CFAP46: variants seen among roughly 807,000 people sequenced by gnomAD.
The protein encoded by CFAP46 is cilia and flagella associated protein 46, also known as cilia- and flagella-associated protein 46.
A neutral mutation model predicts 325.7 loss-of-function variants in CFAP46; 245 were observed. The observed-to-expected ratio is 0.75, with a 90% CI of 0.68 to 0.84. The LOEUF is 0.84. Among genes scored for constraint, CFAP46 ranks in the 40% least tolerant of loss-of-function variants. The pLI is 0.00. For synonymous variants in CFAP46, 1,523 were observed against 1,495.9 expected (o/e 1.02, Z -0.42); for missense variants, 3,346 against 3,543.0 (o/e 0.94, Z 1.41).
chr10:132,818,153 G>T (rs1847729510), intron 50 of CFAP46, among the ~76,000 whole-genome samples: 1 of 152,168 alleles, frequency 6.6e-6, no homozygotes, highest in Non-Finnish European at 1.5e-5. Flanking sequence ...CGTCTAGTTG[G>T]GCTGCTGCTT....
chr10:132,926,236 G>A (rs111838774), intron 10 of CFAP46, among the ~76,000 whole-genome samples: 162 of 152,256 alleles, frequency 1.1e-3, no homozygotes, highest in African/African-American at 3.7e-3. Context: ...ACGCGTGGCC[G>A]TCCCCCGTCC....
At chr10:132,882,433 GT>G (rs2135379858) in intron 27 of CFAP46, among the ~76,000 whole-genome samples, 1 of 152,012 alleles carries the variant, frequency 6.6e-6, no homozygotes, top group South Asian at 2.1e-4. Context: ...CAAGGTGTGG[GT>G]TTGTTGTGGA....
At chr10:132,878,605 C>A (rs575712139) in intron 29 of CFAP46, among the ~76,000 whole-genome samples, 105 of 152,316 alleles carry the variant, frequency 6.9e-4, no homozygotes, top group African/African-American at 2.5e-3. Context: ...ATGAGAATAA[C>A]ATTGAGCAAT....
chr10:132,854,323 G>GTGTTTTGTTTTGTTTTGTTT (rs59344968), intron 39 of CFAP46, among the ~76,000 whole-genome samples: 205 of 151,186 alleles, frequency 1.4e-3, no homozygotes, highest in Non-Finnish European at 1.6e-3. Flanking sequence ...ATAGCTTTCT[G>GTGTTTTGTTTTGTTTTGTTT]TGTTTTGTTT....
intron 55 of CFAP46, among the ~76,000 whole-genome samples, chr10:132,811,338 C>G (rs1261426771): frequency 6.6e-6 from 1 of 152,210 alleles, no homozygotes; most frequent in Non-Finnish European, 1.5e-5. Flanking sequence ...GGCATCTCGG[C>G]ACCCCCACCA....
chr10:132,853,858 T>C (rs1402430820), intron 39 of CFAP46, among the ~76,000 whole-genome samples: 1 of 152,202 alleles, frequency 6.6e-6, no homozygotes, highest in Non-Finnish European at 1.5e-5. Flanking sequence ...CATGGAGAAA[T>C]TGTGTCTCTC....
At position 132,911,482 on chromosome 10, in the gene CFAP46, T is replaced by C; in HGVS notation, c.2499+1173A>G. On this transcript the variant is annotated intron_variant, in intron 19 of 57. Coordinates refer to ENST00000368586, the MANE Select transcript of CFAP46 (RefSeq NM_001200049.3). Reference sequence around the variant, plus strand: ...CCGCCCCGTGCCCCTGCGGAGACACTCAAGGCCTCCCTGCCCCCGCCCCAC... The same window carrying C: ...CCGCCCCGTGCCCCTGCGGAGACACCCAAGGCCTCCCTGCCCCCGCCCCAC... Among the ~76,000 whole-genome samples, 2 of 152,102 alleles carry C rather than the reference T, an allele frequency of 1.3e-5. 1 individual carries two copies. Among genetic ancestry groups the C allele is most frequent in the Non-Finnish European group, 2.9e-5 (2 of 68,008 alleles).
Position 132,886,069 on chromosome 10 carries a change from C to T in CFAP46, c.3305-110G>A, listed in dbSNP as rs113625556. On this transcript the variant is annotated intron_variant, in intron 25 of 57. Coordinates refer to ENST00000368586, the MANE Select transcript of CFAP46 (RefSeq NM_001200049.3). The surrounding 1 kb of genome is among the most constrained non-coding windows in gnomAD (Gnocchi z 5.8). ...TCACAGTGCCCCTGAGGTGGAACCG[C>T]GGCTACAGAGGTGCCCAGGCCAGCG... 5,709 of 1,404,038 alleles carry T rather than the reference C, an allele frequency of 4.1e-3. 139 individuals carry two copies. The African/African-American group carries it at 0.061, about 15-fold the overall frequency. The allele number at this position is 1,404,038 out of a possible 1,614,324, so 87.0% of individuals were successfully genotyped here.
intron 22 of CFAP46, among the ~76,000 whole-genome samples, chr10:132,905,055 C>T (rs374748537): frequency 6.6e-6 from 1 of 152,242 alleles, no homozygotes; most frequent in Admixed American, 6.5e-5. Flanking sequence ...ACAACACCCA[C>T]GCTTCCCTTA....
chr10:132,918,458 G>A lies in CFAP46; in HGVS notation c.1921C>T (p.Leu641=). Residue 641 remains leucine, a synonymous_variant, in exon 16 of 58, where the codon CTG becomes TTG. Transcript: ENST00000368586. ...AGGTCGGGGCACACCTGCCTCTGCA[G>A]GACGACCTCAGGCTGGCTCCAGGTG... ...QDTWSQPEVV[L]QRQVCPDLLR... 2.6e-6 allele frequency: 4 copies of A among 1,549,000 alleles called. No homozygotes were observed. Among genetic ancestry groups the A allele is most frequent in the Non-Finnish European group, 3.5e-6 (4 of 1,145,766 alleles).
chr10:132,859,188 C>T lies in CFAP46; in HGVS notation c.5258G>A (p.Cys1753Tyr). 1 of 1,550,552 alleles carries T rather than the reference C, an allele frequency of 6.4e-7. No homozygotes were observed. The highest frequency in any genetic ancestry group is 8.7e-7 in the Non-Finnish European group (1 of 1,147,024). ...ATCCATCTCTTTCAGTAGCAACGAG[C>T]ACTCTGTGGGTTCAGTGACCGCTGA... ...QHSAVTEPTE[C>Y]SLLLKEMDDG... The change falls in exon 38 of 58, where the codon TGC becomes TAC. Residue 1753 changes from cysteine (C) to tyrosine (Y), a missense_variant. Coordinates refer to ENST00000368586, the MANE Select transcript of CFAP46 (RefSeq NM_001200049.3).
chr10:132,840,263 C>T (rs1848328091), intron 44 of CFAP46, among the ~76,000 whole-genome samples: 1 of 152,198 alleles, frequency 6.6e-6, no homozygotes, highest in South Asian at 2.1e-4. Flanking sequence ...CTGTCAAGAA[C>T]ATTCTGTGTG....
intron 17 of CFAP46, among the ~76,000 whole-genome samples, chr10:132,915,041 G>A (rs974201900): frequency 5.9e-5 from 9 of 152,384 alleles, no homozygotes; most frequent in African/African-American, 1.7e-4. Flanking sequence ...TGTCCGTCCC[G>A]CTAGACCAGG....
In CFAP46 at chr10:132,814,178, T is replaced by C; in HGVS notation, c.7362A>G (p.Gly2454=). 1 of 1,613,866 alleles carries C rather than the reference T, an allele frequency of 6.2e-7. No homozygotes were observed. The highest frequency in any genetic ancestry group is 8.5e-7 in the Non-Finnish European group (1 of 1,179,966). ...FQDTFTSRWA[G]HLGSKHFPSQ... is the part of the protein sequence containing the mutation. Reference sequence around the variant, plus strand: ...TGGGAAAGTGCTTGCTTCCCAGATGTCCCGCCCATCGCGACGTGAATGTGT... The same window carrying C: ...TGGGAAAGTGCTTGCTTCCCAGATGCCCCGCCCATCGCGACGTGAATGTGT... Residue 2454 remains glycine, a synonymous_variant, in exon 54 of 58, where the codon GGA becomes GGG. Transcript: ENST00000368586.
rs776583810 is a variant in CFAP46, at chr10:132,814,141, C to T, written c.7388+11G>A. On this transcript the variant is annotated intron_variant, in intron 54 of 57. Transcript: ENST00000368586. ...ACACTGCAAACGGCTCCTGGGAGCC[C>T]AGATCCGAACCTGGGAAAGTGCTTG... The T allele has an allele frequency of 6.8e-6, 11 of 1,611,878 alleles. No homozygotes were observed. Among genetic ancestry groups the T allele is most frequent in the Non-Finnish European group, 8.5e-6 (10 of 1,178,362 alleles).
chr10:132,851,089 A>C (rs373262862), intron 40 of CFAP46, 28 bp downstream of exon 40: 15 of 1,612,086 alleles, frequency 9.3e-6, no homozygotes, highest in Non-Finnish European at 1.3e-5. Context: ...CGCTCCCTCC[A>C]CCGGGAATCT....
At chr10:132,856,953 T>C (rs1564780532) in intron 39 of CFAP46, among the ~76,000 whole-genome samples, 1 of 152,246 alleles carries the variant, frequency 6.6e-6, no homozygotes, top group Non-Finnish European at 1.5e-5. Flanking sequence ...CTTTCAGGTC[T>C]GCTTTCTAGG....
chr10:132,936,100 T>A (rs549453197), intron 7 of CFAP46, among the ~76,000 whole-genome samples: 1 of 79,062 alleles, frequency 1.3e-5, no homozygotes, highest in South Asian at 5.4e-4. Flanking sequence ...CACACTGTGA[T>A]CTCCTCACTC....
At chr10:132,861,461 C>T (rs573368611) in intron 35 of CFAP46, among the ~76,000 whole-genome samples, 4 of 152,220 alleles carry the variant, frequency 2.6e-5, no homozygotes, top group Non-Finnish European at 5.9e-5. Context: ...CTGCTGGCCC[C>T]GTCCTGGCCC....
Sources: gnomAD v4.1 joint callset for allele counts (sites outside exome capture counted in the v4.1 genomes callset) on GRCh38, gnomAD v4.1.1 for gene constraint, Gnocchi (gnomAD v3.1) non-coding constraint, MANE v1.5 for transcripts, NCBI Gene and HGNC (gene_info 2026-07-23, HGNC 2026-07-21) for gene names.